The following GRIK2 variants were observed in gnomAD, a reference collection of about 807,000 sequenced individuals.
The protein encoded by GRIK2 is glutamate ionotropic receptor kainate type subunit 2.
A neutral mutation model predicts 100.3 loss-of-function variants in GRIK2; 32 were observed. That is an observed-to-expected ratio of 0.32 (90% CI 0.24 to 0.43). GRIK2 has a LOEUF of 0.43. GRIK2 is among the 20% of genes least tolerant of loss of function. The pLI is 1.00. For missense variants in GRIK2, 843 were observed against 1,114.9 expected (o/e 0.76, Z 3.47); for synonymous variants, 417 against 389.4 (o/e 1.07, Z -0.83).
In GRIK2 at chr6:101,411,550, A is replaced by G. The variant is rs559444759; in HGVS notation, c.115+12158A>G. Among the ~76,000 whole-genome samples the G allele has an allele frequency of 2.0e-5, 3 of 152,244 alleles. No individual in the cohort carries two copies. In the East Asian group the frequency reaches 5.8e-4, roughly 29 times the overall value. On this transcript the variant is annotated intron_variant, in intron 2 of 16. Transcript: ENST00000369134. ...ATAAAGATCTCACACACTGTGCTAGATAATCCTAAGAAGTTTTTGACCTTT... is the reference window on the plus strand; with the variant it reads ...ATAAAGATCTCACACACTGTGCTAGGTAATCCTAAGAAGTTTTTGACCTTT...
intron 14 of GRIK2, among the ~76,000 whole-genome samples, chr6:101,982,663 T>C (rs1019291855): frequency 4.0e-4 from 61 of 151,328 alleles, no homozygotes; most frequent in South Asian, 8.3e-4. Context: ...TCTTTTTTTT[T>C]TTTTCAATGT....
intron 2 of GRIK2, among the ~76,000 whole-genome samples, chr6:101,483,594 G>C (rs2518170): frequency 1.3e-5 from 2 of 151,628 alleles, no homozygotes; most frequent in African/African-American, 4.9e-5. Context: ...TATTTATTTG[G>C]GATAGAGTCT....
intron 7 of GRIK2, among the ~76,000 whole-genome samples, chr6:101,705,580 AATGTAC>A (rs1306701826): frequency 1.3e-5 from 2 of 151,812 alleles, no homozygotes; most frequent in Non-Finnish European, 2.9e-5. Context: ...CTCTATGGAA[AATGTAC>A]ATGTACATGT....
At chr6:101,874,745 C>T (rs1405003871) in intron 11 of GRIK2, among the ~76,000 whole-genome samples, 1 of 152,098 alleles carries the variant, frequency 6.6e-6, no homozygotes, top group Non-Finnish European at 1.5e-5. Context: ...AGTGTTCTTC[C>T]ATTTGTTTGT....
At position 101,768,602 on chromosome 6, in the gene GRIK2, A is replaced by G. The variant is rs567965754; in HGVS notation, c.952-31046A>G. On this transcript the variant is annotated intron_variant, in intron 7 of 16. Coordinates refer to ENST00000369134, the MANE Select transcript of GRIK2 (RefSeq NM_021956.5). ...ATCTTTGTTTCATAATGCACATTGT[A>G]TTATGTTAATATGAGGGACACTGAA... Among the ~76,000 whole-genome samples, 4 of 152,318 alleles carry G rather than the reference A, an allele frequency of 2.6e-5. No individual in the cohort carries two copies. The South Asian group carries it at 8.3e-4, about 32-fold the overall frequency.
At chr6:101,966,611 A>G (rs1368928505) in intron 14 of GRIK2, among the ~76,000 whole-genome samples, 1 of 152,144 alleles carries the variant, frequency 6.6e-6, no homozygotes, top group Non-Finnish European at 1.5e-5. Context: ...GGCCTGTGAT[A>G]GGTGCTCAAG....
At chr6:101,432,995 T>C (rs1769496472) in intron 2 of GRIK2, among the ~76,000 whole-genome samples, 1 of 152,082 alleles carries the variant, frequency 6.6e-6, no homozygotes, top group Non-Finnish European at 1.5e-5. Context: ...CATAAGGTGG[T>C]CAGGCCAAAA....
chr6:102,066,832 C>A (rs1772040878), intron 16 of GRIK2, among the ~76,000 whole-genome samples: 1 of 151,656 alleles, frequency 6.6e-6, no homozygotes, highest in East Asian at 1.9e-4. Context: ...AATTGTGAAC[C>A]TTTACAGAAG....
chr6:101,912,479 C>T (rs1442224273), intron 12 of GRIK2, among the ~76,000 whole-genome samples: 1 of 151,490 alleles, frequency 6.6e-6, no homozygotes, highest in African/African-American at 2.4e-5. Flanking sequence ...CAATGATTAC[C>T]AGTGGTGGGA....
chr6:101,735,667 C>CCAGAT (rs1377237149), intron 7 of GRIK2, among the ~76,000 whole-genome samples: 1 of 152,170 alleles, frequency 6.6e-6, no homozygotes, highest in Non-Finnish European at 1.5e-5. Context: ...TTATCTCCCA[C>CCAGAT]CAGATTCCTC....
At chr6:101,712,201 G>A (rs979486109) in intron 7 of GRIK2, among the ~76,000 whole-genome samples, 3 of 151,696 alleles carry the variant, frequency 2.0e-5, no homozygotes, top group African/African-American at 7.3e-5. Context: ...TGGGCCATAG[G>A]ATCATAGCTG....
chr6:101,973,235 G>A (rs971080814), intron 14 of GRIK2, among the ~76,000 whole-genome samples: 8 of 151,746 alleles, frequency 5.3e-5, no homozygotes, highest in African/African-American at 1.9e-4. Flanking sequence ...CTGATTTACT[G>A]TATCAAAAAC....
intron 10 of GRIK2, among the ~76,000 whole-genome samples, chr6:101,857,400 G>A (rs1354893259): frequency 6.6e-6 from 1 of 152,214 alleles, no homozygotes; most frequent in Non-Finnish European, 1.5e-5. Context: ...GCTGCAGGGT[G>A]CATACAACTG....
chr6:102,030,949 C>G (rs1769952809), intron 14 of GRIK2, among the ~76,000 whole-genome samples: 1 of 151,012 alleles, frequency 6.6e-6, no homozygotes, highest in African/African-American at 2.4e-5. Context: ...ATCTTTCTCC[C>G]CTAAAATTTG....
chr6:101,557,083 A>C (rs1355661142), intron 2 of GRIK2, among the ~76,000 whole-genome samples: 2 of 152,198 alleles, frequency 1.3e-5, no homozygotes, highest in African/African-American at 4.8e-5. Context: ...TTTCTACAAA[A>C]GGTAGTTTTA....
chr6:101,926,927 G>A (rs1789939239), intron 13 of GRIK2, among the ~76,000 whole-genome samples: 1 of 152,018 alleles, frequency 6.6e-6, no homozygotes, highest in Admixed American at 6.6e-5. Flanking sequence ...TATTGGTGTT[G>A]TTGTTTAAAC....
chr6:101,471,331 A>G (rs1310934872), intron 2 of GRIK2, among the ~76,000 whole-genome samples: 6 of 152,064 alleles, frequency 3.9e-5, no homozygotes, highest in African/African-American at 9.7e-5. Context: ...TATTGGGTCA[A>G]TAATTTAGTG....
intron 7 of GRIK2, among the ~76,000 whole-genome samples, chr6:101,742,252 G>A (rs996018384): frequency 1.3e-5 from 2 of 152,352 alleles, no homozygotes; most frequent in East Asian, 1.9e-4. Flanking sequence ...TTGCAGCAGA[G>A]AAAGAGTTTA....
At chr6:101,574,654 G>A (rs1777716924) in intron 2 of GRIK2, among the ~76,000 whole-genome samples, 1 of 151,388 alleles carries the variant, frequency 6.6e-6, no homozygotes, top group Non-Finnish European at 1.5e-5. Context: ...GCTTGCTTTT[G>A]TAAAGACAAA....
Sources: gnomAD v4.1 joint callset for allele counts (sites outside exome capture counted in the v4.1 genomes callset) on GRCh38, gnomAD v4.1.1 for gene constraint, MANE v1.5 for transcripts, NCBI Gene and HGNC (gene_info 2026-07-23, HGNC 2026-07-21) for gene names.